The following PIR variants were observed in gnomAD, a reference collection of about 807,000 sequenced individuals.
PIR encodes the protein pirin.
In PIR, 22 loss-of-function variants were observed where a neutral mutation model predicts 24.2. That is an observed-to-expected ratio of 0.91 (90% CI 0.65 to 1.30). PIR has a LOEUF of 1.30. PIR is among the 50% of genes most tolerant of loss of function. The pLI, the probability that PIR is intolerant of heterozygous loss-of-function variation, is 0.00. For synonymous variants in PIR, 80 were observed against 79.6 expected (o/e 1.00, Z -0.03); for missense variants, 220 against 220.3 (o/e 1.00, Z 0.01).
At chrX:15,405,342 A>C (rs1446848140) in intron 7 of PIR, among the ~76,000 whole-genome samples, 2 of 112,336 alleles carry the variant, frequency 1.8e-5, no homozygotes, top group African/African-American at 6.5e-5. Context: ...CAGTGACCAT[A>C]AATGAAGTTT....
At chrX:15,419,346 TG>T in intron 6 of PIR, among the ~76,000 whole-genome samples, 1 of 71,968 alleles carries the variant, frequency 1.4e-5, no homozygotes, top group African/African-American at 1.3e-4. Context: ...GATAAGTCTG[TG>T]TGTGTGTGTG....
At chrX:15,483,174 T>TATATATATAG (rs955424390) in intron 2 of PIR, among the ~76,000 whole-genome samples, 1 of 98,751 alleles carries the variant, frequency 1.0e-5, no homozygotes, top group Non-Finnish European at 2.0e-5. Flanking sequence ...CATATATATA[T>TATATATATAG]AAATTCAACA....
At chrX:15,429,261 C>T (rs1248836566) in intron 5 of PIR, 3 of 112,185 alleles carry the variant, frequency 2.7e-5, no homozygotes, top group Admixed American at 9.4e-5. Context: ...CACACTCACA[C>T]AGAACGTTCT....
intron 3 of PIR, among the ~76,000 whole-genome samples, chrX:15,470,892 C>T (rs1921873199): frequency 1.8e-5 from 2 of 111,480 alleles, no homozygotes; most frequent in South Asian, 7.4e-4. Flanking sequence ...CGTGAGCCAC[C>T]GCGCCCAGCG....
chrX:15,424,862 A>G (rs1375026514), intron 6 of PIR, among the ~76,000 whole-genome samples: 1 of 110,645 alleles, frequency 9.0e-6, no homozygotes, highest in East Asian at 2.8e-4. Context: ...AGCTGGGCAT[A>G]GTGGCACACA....
intron 2 of PIR, among the ~76,000 whole-genome samples, chrX:15,487,047 C>T (rs1019356685): frequency 9.0e-6 from 1 of 111,633 alleles, no homozygotes; most frequent in Non-Finnish European, 1.9e-5. Context: ...GACTCCAACA[C>T]CTCAGGCTAC....
chrX:15,396,830 T>TC (rs1417660718), intron 8 of PIR, among the ~76,000 whole-genome samples: 2 of 108,926 alleles, frequency 1.8e-5, no homozygotes, highest in African/African-American at 3.4e-5. Context: ...AAGCTCCACC[T>TC]CCCGGGTTCA....
chrX:15,471,606 C>T (rs1011447796), intron 3 of PIR, among the ~76,000 whole-genome samples: 1 of 111,177 alleles, frequency 9.0e-6, no homozygotes, highest in Non-Finnish European at 1.9e-5. Context: ...CTACTATATC[C>T]CCATACCGCG....
chrX:15,419,662 G>A (rs767822238), intron 6 of PIR, among the ~76,000 whole-genome samples: 14 of 110,880 alleles, frequency 1.3e-4, no homozygotes, highest in Non-Finnish European at 2.3e-4. Context: ...TTGGGAGGCC[G>A]AGGTGGATGG....
chrX:15,387,256 C>T (rs1923801076), intron 9 of PIR, among the ~76,000 whole-genome samples: 1 of 106,669 alleles, frequency 9.4e-6, no homozygotes, highest in Non-Finnish European at 1.9e-5. Context: ...CCACCATGCC[C>T]GGCTAAATTT....
chrX:15,403,389 A>G (rs1924452386), intron 7 of PIR, among the ~76,000 whole-genome samples: 5 of 112,337 alleles, frequency 4.5e-5, no homozygotes, highest in African/African-American at 1.6e-4. Flanking sequence ...AGTATACTTG[A>G]TATCAGGCCT....
intron 3 of PIR, chrX:15,464,126 T>C (rs1921437084): frequency 1.8e-5 from 2 of 112,168 alleles, no homozygotes; most frequent in Non-Finnish European, 3.8e-5. Flanking sequence ...TATTATTTAA[T>C]TGGAAAAGCA....
intron 3 of PIR, among the ~76,000 whole-genome samples, chrX:15,475,195 T>C (rs180996859): frequency 1.8e-5 from 2 of 110,998 alleles, no homozygotes; most frequent in East Asian, 5.6e-4. Flanking sequence ...CTTCCTCTCC[T>C]GGGTATTGTT....
intron 9 of PIR, among the ~76,000 whole-genome samples, chrX:15,388,614 G>A (rs1035597118): frequency 9.0e-5 from 10 of 111,567 alleles, no homozygotes; most frequent in African/African-American, 1.6e-4. Context: ...TAAAATATCT[G>A]GATTTTATTT....
At chrX:15,481,299 T>C (rs753783985) in intron 2 of PIR, among the ~76,000 whole-genome samples, 53 of 112,382 alleles carry the variant, frequency 4.7e-4, no homozygotes, top group Non-Finnish European at 7.7e-4. Context: ...TAGAAACATA[T>C]CTGGTTGTCA....
At chrX:15,398,116 A>G (rs998859319) in intron 7 of PIR, among the ~76,000 whole-genome samples, 3 of 109,045 alleles carry the variant, frequency 2.8e-5, no homozygotes, top group Non-Finnish European at 3.8e-5. Flanking sequence ...GGTAGGGGGG[A>G]GGGATAGCAT....
At chrX:15,488,700 G>C (rs1923001768) in intron 2 of PIR, among the ~76,000 whole-genome samples, 1 of 111,779 alleles carries the variant, frequency 8.9e-6, no homozygotes, top group African/African-American at 3.3e-5. Flanking sequence ...GATGGGATTA[G>C]GAATGATTCC....
chrX:15,433,650 A>T (rs1436464513), intron 5 of PIR, among the ~76,000 whole-genome samples: 2 of 74,812 alleles, frequency 2.7e-5, no homozygotes, highest in Non-Finnish European at 5.2e-5. Context: ...AGGAGGAAGA[A>T]GAGGAAGGAG....
chrX:15,444,433 C>CA (rs1033285466), intron 5 of PIR, among the ~76,000 whole-genome samples: 2 of 111,741 alleles, frequency 1.8e-5, no homozygotes, highest in Non-Finnish European at 3.8e-5. Flanking sequence ...CACTAGGAAG[C>CA]AAAAAAATGT....
Sources: allele counts gnomAD v4.1 joint callset (sites outside exome capture counted in the v4.1 genomes callset), GRCh38; gene constraint gnomAD v4.1.1; transcripts MANE v1.5; gene names NCBI Gene and HGNC (gene_info 2026-07-23, HGNC 2026-07-21).